BBS9: variants seen among roughly 807,000 people sequenced by gnomAD.
BBS9 encodes the protein Bardet-Biedl syndrome 9, also known as protein PTHB1.
A neutral mutation model predicts 117.7 loss-of-function variants in BBS9; 89 were observed. The observed-to-expected ratio is 0.76, with a 90% CI of 0.64 to 0.90. The LOEUF (loss-of-function observed/expected upper bound fraction) is 0.90, where lower values mean the gene tolerates loss of function less well. Ranked by LOEUF, BBS9 falls within the 40% of genes least tolerant of loss-of-function variation. BBS9 has a pLI of 0.00. For missense variants in BBS9, 982 were observed against 1,042.2 expected (o/e 0.94, Z 0.80); for synonymous variants, 379 against 370.9 (o/e 1.02, Z -0.25).
At chr7:33,577,033 A>G (rs1859019829) in intron 21 of BBS9, among the ~76,000 whole-genome samples, 1 of 152,240 alleles carries the variant, frequency 6.6e-6, no homozygotes, top group Non-Finnish European at 1.5e-5. Flanking sequence ...CAATGGCAAC[A>G]AAAGCCAAAA....
intron 19 of BBS9, among the ~76,000 whole-genome samples, chr7:33,480,301 G>T (rs1375193298): frequency 6.6e-6 from 1 of 152,158 alleles, no homozygotes; most frequent in Admixed American, 6.5e-5. Flanking sequence ...TTTATTTTGT[G>T]CAAGGCTCTA....
chr7:33,559,290 A>C (rs371940544), intron 21 of BBS9, among the ~76,000 whole-genome samples: 2 of 152,318 alleles, frequency 1.3e-5, no homozygotes, highest in East Asian at 3.9e-4. Context: ...TTTGATGAAG[A>C]TAAAGTGGAA....
intron 20 of BBS9, among the ~76,000 whole-genome samples, chr7:33,515,353 A>G (rs1323996155): frequency 6.7e-6 from 1 of 149,740 alleles, no homozygotes; most frequent in Non-Finnish European, 1.5e-5. Flanking sequence ...TCATTAAACT[A>G]CAGCTCATCG....
chr7:33,459,287 T>G (rs73317012), intron 19 of BBS9, among the ~76,000 whole-genome samples: 2 of 152,114 alleles, frequency 1.3e-5, no homozygotes, highest in African/African-American at 4.8e-5. Flanking sequence ...TGGTTCTCAA[T>G]TGGGAGTGGG....
chr7:33,387,180 G>A (rs1040078213), intron 18 of BBS9, among the ~76,000 whole-genome samples: 18 of 152,154 alleles, frequency 1.2e-4, no homozygotes, highest in East Asian at 7.7e-4. Context: ...AAACAATTTT[G>A]TAATGGGTAT....
chr7:33,478,875 GTT>G (rs10716942), intron 19 of BBS9, among the ~76,000 whole-genome samples: 12,640 of 130,120 alleles, frequency 0.097, 1,084 homozygotes, highest in East Asian at 0.29. Context: ...ATGTTAGTGG[GTT>G]TTTTTTTTTT....
intron 19 of BBS9, among the ~76,000 whole-genome samples, chr7:33,439,733 T>A (rs1667492191): frequency 6.6e-6 from 1 of 152,200 alleles, no homozygotes; most frequent in South Asian, 2.1e-4. Flanking sequence ...TTCACCATGT[T>A]GACCAGGATG....
At chr7:33,469,012 T>G (rs1544558) in intron 19 of BBS9, among the ~76,000 whole-genome samples, 114,884 of 151,416 alleles carry the variant, frequency 0.76, 44,153 homozygotes, top group African/African-American at 0.88. Context: ...TTTTTTTTTT[T>G]TGTGAGAGAC....
At chr7:33,376,990 G>A (rs1263706035) in intron 17 of BBS9, among the ~76,000 whole-genome samples, 6 of 151,586 alleles carry the variant, frequency 4.0e-5, no homozygotes, top group Non-Finnish European at 5.9e-5. Flanking sequence ...CTCTTATTTT[G>A]TAGGTCATCT....
intron 5 of BBS9, among the ~76,000 whole-genome samples, chr7:33,178,507 C>T (rs1007902976): frequency 3.3e-5 from 5 of 152,168 alleles, no homozygotes; most frequent in East Asian, 1.9e-4. Context: ...CTCCCTGCAC[C>T]GTGACAGGGT....
chr7:33,187,094 C>G (rs1783258216), intron 5 of BBS9, among the ~76,000 whole-genome samples: 1 of 152,156 alleles, frequency 6.6e-6, no homozygotes, highest in South Asian at 2.1e-4. Context: ...TGGTTGTTAA[C>G]ATGGTATTTT....
intron 21 of BBS9, among the ~76,000 whole-genome samples, chr7:33,560,015 C>G (rs544542347): frequency 2.6e-5 from 4 of 152,214 alleles, no homozygotes; most frequent in South Asian, 2.1e-4. Flanking sequence ...TGACTCTTCC[C>G]CTGACCCACA....
chr7:33,334,093 A>G (rs1814758327), intron 9 of BBS9, among the ~76,000 whole-genome samples: 1 of 152,202 alleles, frequency 6.6e-6, no homozygotes, highest in Admixed American at 6.5e-5. Context: ...CTGAAGAAAT[A>G]TATGTATTCT....
At chr7:33,255,706 G>A (rs1796933239) in intron 5 of BBS9, among the ~76,000 whole-genome samples, 1 of 152,172 alleles carries the variant, frequency 6.6e-6, no homozygotes, top group South Asian at 2.1e-4. Flanking sequence ...GCTGATTGCA[G>A]ACAGGTAGGT....
chr7:33,555,932 A>C (rs1042963603), intron 21 of BBS9, among the ~76,000 whole-genome samples: 4 of 152,194 alleles, frequency 2.6e-5, no homozygotes, highest in African/African-American at 7.2e-5. Context: ...TTGTCATTTC[A>C]TGTCACACTG....
rs1442048539 is a variant in BBS9 at position 33,219,546 on chromosome 7, C to T, written c.443-37690C>T. 2.6e-5 allele frequency among the ~76,000 whole-genome samples: 4 copies of T among 152,242 alleles called. No individual in the cohort carries two copies. The East Asian group carries it at 7.7e-4, about 29-fold the overall frequency. On this transcript the variant is annotated intron_variant, in intron 5 of 22. Coordinates refer to ENST00000242067, the MANE Select transcript of BBS9 (RefSeq NM_198428.3). ...GGTTTGTAAGCACACCAGTCAGCAC[C>T]CTGTGTCTAGCTCAGGGTTTGTGAA...
intron 19 of BBS9, among the ~76,000 whole-genome samples, chr7:33,469,218 A>G (rs1463576363): frequency 1.3e-5 from 2 of 152,194 alleles, no homozygotes; most frequent in Non-Finnish European, 2.9e-5. Context: ...AGAATGGATG[A>G]GTAGTATATC....
chr7:33,531,498 A>T (rs947853527), intron 20 of BBS9, among the ~76,000 whole-genome samples: 1 of 152,156 alleles, frequency 6.6e-6, no homozygotes, highest in Admixed American at 6.5e-5. Flanking sequence ...GGGGTTCTCT[A>T]TTTAGCTGTA....
Position 33,565,844 on chromosome 7 carries a change from TTATATA to T in BBS9, c.2521+31689_2521+31694del, listed in dbSNP as rs1554539789. Among the ~76,000 whole-genome samples, 81 of 80,044 alleles carry T rather than the reference TTATATA, an allele frequency of 1.0e-3. 2 individuals are homozygous for T. The highest frequency in any genetic ancestry group is 4.2e-3 in the Admixed American group (28 of 6,686). 52.5% of individuals were successfully genotyped at this position (80,044 alleles called of 152,430 possible). A position where few individuals can be genotyped will look rare whatever the true frequency, so the allele number is the denominator to read the frequency against. ...ATATATATACCGCTATATATACTGC[TTATATA>T]TATATATATATATATATATAGCTAT... On this transcript the variant is annotated intron_variant, in intron 21 of 22. Coordinates refer to ENST00000242067, the MANE Select transcript of BBS9 (RefSeq NM_198428.3).
Sources: gnomAD v4.1 joint callset for allele counts (sites outside exome capture counted in the v4.1 genomes callset) on GRCh38, gnomAD v4.1.1 for gene constraint, MANE v1.5 for transcripts, NCBI Gene and HGNC (gene_info 2026-07-23, HGNC 2026-07-21) for gene names.